AR: variants seen among roughly 807,000 people sequenced by gnomAD.
AR encodes the protein dihydrotestosterone receptor.
In AR, 8 loss-of-function variants were observed where a neutral mutation model predicts 53.9. The observed-to-expected ratio is 0.15, with a 90% CI of 0.09 to 0.27. The LOEUF (loss-of-function observed/expected upper bound fraction) is 0.27. Among genes scored for constraint, AR ranks in the 10% least tolerant of loss-of-function variants. AR has a pLI of 1.00. For synonymous variants in AR, 359 were observed against 316.4 expected, an observed-to-expected ratio of 1.13 and a Z score of -1.43; for missense variants, 639 against 742.5, an observed-to-expected ratio of 0.86 and a Z score of 1.62.
intron 3 of AR, among the ~76,000 whole-genome samples, chrX:67,707,244 A>G (rs2076072590): frequency 9.0e-6 from 1 of 111,653 alleles, no homozygotes; most frequent in Non-Finnish European, 1.9e-5. Context: ...GTGGGGTGTT[A>G]AAGTCTCCCT....
chrX:67,716,612 G>A (rs781446132), intron 4 of AR, among the ~76,000 whole-genome samples: 2 of 110,940 alleles, frequency 1.8e-5, no homozygotes, highest in Admixed American at 9.6e-5. Flanking sequence ...GTAGGGCCAG[G>A]GTACCTATTG....
rs983660264 is a variant in AR, at chrX:67,725,050, G to A, written c.*1209G>A. The A allele has an allele frequency of 1.7e-5, 3 of 173,987 alleles. No individual in the cohort carries two copies. Among genetic ancestry groups the A allele is most frequent in the Non-Finnish European group, 2.2e-5 (2 of 91,435 alleles). 14.3% of individuals were successfully genotyped at this position (173,987 alleles called of 1,213,427 possible). On this transcript the variant is annotated 3_prime_UTR_variant, in exon 8 of 8. Transcript: ENST00000374690. ...CCCACCTTTAAAAGACCTGAATGAAGTTTTCTGCCAAACTCCGTGAAGCCA... is the reference window on the plus strand; with the variant it reads ...CCCACCTTTAAAAGACCTGAATGAAATTTTCTGCCAAACTCCGTGAAGCCA...
At chrX:67,609,124 G>A (rs767835296) in intron 1 of AR, among the ~76,000 whole-genome samples, 1 of 111,013 alleles carries the variant, frequency 9.0e-6, no homozygotes, top group Non-Finnish European at 1.9e-5. Flanking sequence ...GTGCCAGACT[G>A]TACTATATCA....
intron 1 of AR, among the ~76,000 whole-genome samples, chrX:67,642,198 G>A (rs1411150155): frequency 8.9e-6 from 1 of 111,925 alleles, no homozygotes; most frequent in Non-Finnish European, 1.9e-5. Context: ...AGCATGGGCA[G>A]TTGTCATCTC....
chrX:67,627,482 G>T (rs1235620682), intron 1 of AR, among the ~76,000 whole-genome samples: 1 of 111,146 alleles, frequency 9.0e-6, no homozygotes, highest in African/African-American at 3.3e-5. Context: ...GGGGTCGTTT[G>T]TTTTTTTCTT....
intron 1 of AR, among the ~76,000 whole-genome samples, chrX:67,620,263 GT>G (rs796733449): frequency 2.8e-4 from 30 of 106,345 alleles, no homozygotes; most frequent in African/African-American, 5.1e-4. Flanking sequence ...ATAGGTTTTG[GT>G]TTTTTTTTTC....
intron 3 of AR, chrX:67,695,839 A>T: frequency 1.3e-6 from 1 of 750,795 alleles, no homozygotes. Context: ...ACACACATAC[A>T]CACACACTTC....
At chrX:67,559,592 G>T (rs185317548) in intron 1 of AR, among the ~76,000 whole-genome samples, 3 of 112,157 alleles carry the variant, frequency 2.7e-5, no homozygotes, top group Non-Finnish European at 5.6e-5. Context: ...GCAGGCTACT[G>T]CAAAAATCTG....
intron 2 of AR, among the ~76,000 whole-genome samples, chrX:67,679,472 A>G (rs1005606377): frequency 1.8e-5 from 2 of 111,637 alleles, no homozygotes; most frequent in Admixed American, 9.6e-5. Flanking sequence ...ATAAACTTCT[A>G]TTTTGTGCTT....
At chrX:67,663,782 C>G (rs1413991563) in intron 2 of AR, among the ~76,000 whole-genome samples, 5 of 112,237 alleles carry the variant, frequency 4.5e-5, no homozygotes, top group Non-Finnish European at 9.4e-5. Flanking sequence ...TAGATTTGGT[C>G]TTTTCACATA....
chrX:67,688,795 C>G (rs750862731), intron 3 of AR, among the ~76,000 whole-genome samples: 1 of 111,382 alleles, frequency 9.0e-6, no homozygotes, highest in African/African-American at 3.3e-5. Context: ...TGACACAACC[C>G]CCTCCCAAGT....
rs1180550882 is a variant in AR, at chrX:67,544,716, G to A, written c.-431G>A. On this transcript the variant is annotated 5_prime_UTR_variant, in exon 1 of 8. Transcript: ENST00000374690. ...GAGCCAGAGATCAAAAGATGAAAAG[G>A]CAGTCAGGTCTTCAGTAGCCAAAAA... 5.8e-6 allele frequency: 1 copy of A among 173,651 alleles called. No individual in the cohort carries two copies. Among genetic ancestry groups the A allele is most frequent in the African/African-American group, 3.0e-5 (1 of 33,180 alleles). 14.3% of individuals were successfully genotyped at this position (173,651 alleles called of 1,213,427 possible). A position where few individuals can be genotyped will look rare whatever the true frequency, so the allele number is the denominator to read the frequency against.
intron 1 of AR, among the ~76,000 whole-genome samples, chrX:67,610,048 C>T (rs1923808391): frequency 9.0e-6 from 1 of 111,347 alleles, no homozygotes; most frequent in Admixed American, 9.6e-5. Context: ...ACACTGAAGG[C>T]CCTTAAACAT....
At chrX:67,670,195 A>G (rs1470299153) in intron 2 of AR, among the ~76,000 whole-genome samples, 1 of 88,719 alleles carries the variant, frequency 1.1e-5, no homozygotes, top group Non-Finnish European at 2.2e-5. Context: ...GTGTGTATAT[A>G]TAATATATAT....
At chrX:67,627,554 G>T (rs1226951871) in intron 1 of AR, among the ~76,000 whole-genome samples, 8 of 110,186 alleles carry the variant, frequency 7.3e-5, no homozygotes, top group South Asian at 4.1e-4. Context: ...TGAGTACGTT[G>T]CGAAAATTTT....
intron 2 of AR, among the ~76,000 whole-genome samples, chrX:67,646,563 A>C (rs778388019): frequency 9.1e-6 from 1 of 109,742 alleles, no homozygotes; most frequent in South Asian, 4.0e-4. Context: ...AGTGGGTAGG[A>C]TGAGTGGGGT....
At chrX:67,708,541 C>T (rs1056015969) in intron 3 of AR, among the ~76,000 whole-genome samples, 4 of 111,370 alleles carry the variant, frequency 3.6e-5, no homozygotes, top group Non-Finnish European at 7.5e-5. Context: ...GTTAGCCATT[C>T]GTCTAATCTT....
chrX:67,687,799 G>C (rs904660321), intron 3 of AR, among the ~76,000 whole-genome samples: 2 of 112,212 alleles, frequency 1.8e-5, no homozygotes, highest in Non-Finnish European at 3.8e-5. Flanking sequence ...TGAATTGCAA[G>C]TCCACTTTGA....
chrX:67,591,160 T>C (rs1050301682), intron 1 of AR, among the ~76,000 whole-genome samples: 1 of 111,308 alleles, frequency 9.0e-6, no homozygotes, highest in Non-Finnish European at 1.9e-5. Context: ...GAAGTAAGCA[T>C]GCTACTAGAA....
Sources: allele counts gnomAD v4.1 joint callset (sites outside exome capture counted in the v4.1 genomes callset), GRCh38; gene constraint gnomAD v4.1.1; transcripts MANE v1.5; gene names NCBI Gene and HGNC (gene_info 2026-07-23, HGNC 2026-07-21).